The following XRRA1 variants were observed in gnomAD, a reference collection of about 807,000 sequenced individuals.
The protein encoded by XRRA1 is X-ray radiation resistance-associated protein 1.
A neutral mutation model predicts 80.2 loss-of-function variants in XRRA1; 69 were observed. The observed-to-expected ratio is 0.86, with a 90% CI of 0.71 to 1.05. The LOEUF (loss-of-function observed/expected upper bound fraction) is 1.05. Among genes scored for constraint, XRRA1 ranks in the 50% least tolerant of loss-of-function variants. The pLI is 0.00. For missense variants in XRRA1, 967 were observed against 976.4 expected (o/e 0.99, Z 0.13); for synonymous variants, 348 against 389.9 (o/e 0.89, Z 1.27).
intron 2 of XRRA1, among the ~76,000 whole-genome samples, chr11:74,943,515 G>C (rs112859586): frequency 2.1e-3 from 306 of 142,652 alleles, no homozygotes; most frequent in Non-Finnish European, 3.4e-3. Context: ...GAGGGGAAGA[G>C]AGTAGGAGGG....
chr11:74,900,721 T>C (rs2053432297), intron 10 of XRRA1, among the ~76,000 whole-genome samples: 1 of 152,240 alleles, frequency 6.6e-6, no homozygotes, highest in Non-Finnish European at 1.5e-5. Flanking sequence ...ATCATTTCAA[T>C]TGATGCTGAA....
intron 8 of XRRA1, among the ~76,000 whole-genome samples, chr11:74,914,039 G>T (rs1937641109): frequency 6.6e-6 from 1 of 152,206 alleles, no homozygotes; most frequent in Admixed American, 6.5e-5. Flanking sequence ...GGGTTGGAGT[G>T]CAGTGGTGTG....
At chr11:74,868,936 C>G (rs55761933) in intron 10 of XRRA1, among the ~76,000 whole-genome samples, 3,592 of 152,080 alleles carry the variant, frequency 0.024, 121 homozygotes, top group African/African-American at 0.083. Flanking sequence ...AATATTAGAT[C>G]ATTGAGGCAG....
intron 8 of XRRA1, among the ~76,000 whole-genome samples, chr11:74,919,325 A>G (rs904672567): frequency 6.6e-5 from 10 of 152,336 alleles, no homozygotes; most frequent in African/African-American, 2.4e-4. Context: ...CCATGACTTG[A>G]TAATTGTCAG....
intron 10 of XRRA1, among the ~76,000 whole-genome samples, chr11:74,868,311 A>T (rs1017697182): frequency 2.0e-5 from 3 of 152,232 alleles, no homozygotes; most frequent in African/African-American, 7.2e-5. Flanking sequence ...TCCTTTTCAG[A>T]CATGCAAATG....
chr11:74,893,804 A>AAATT (rs2051473744), intron 10 of XRRA1, among the ~76,000 whole-genome samples: 1 of 152,240 alleles, frequency 6.6e-6, no homozygotes, highest in Admixed American at 6.5e-5. Context: ...GTGGAAATAT[A>AAATT]AATTAGTTCA....
intron 10 of XRRA1, among the ~76,000 whole-genome samples, chr11:74,873,831 C>T (rs1042082884): frequency 1.3e-5 from 2 of 152,116 alleles, no homozygotes; most frequent in Non-Finnish European, 2.9e-5. Flanking sequence ...AGCCAATTTC[C>T]TCCTTCCCCC....
chr11:74,924,546 G>A (rs1236982979), intron 7 of XRRA1, among the ~76,000 whole-genome samples: 1 of 149,408 alleles, frequency 6.7e-6, no homozygotes, highest in Admixed American at 6.7e-5. Flanking sequence ...GTGTCATGAA[G>A]TTTTAGGCTG....
intron 16 of XRRA1, 35 bp downstream of exon 16, chr11:74,845,038 C>A: frequency 6.2e-7 from 1 of 1,604,196 alleles, no homozygotes. Flanking sequence ...TGGAGATGGC[C>A]TCTTGCCCTA....
intron 10 of XRRA1, among the ~76,000 whole-genome samples, chr11:74,867,232 A>T (rs1024556130): frequency 6.6e-6 from 1 of 152,234 alleles, no homozygotes; most frequent in East Asian, 1.9e-4. Context: ...GTTCTTAAAC[A>T]GGTTGAAATG....
chr11:74,946,261 T>C (rs920915466), intron 1 of XRRA1, among the ~76,000 whole-genome samples: 3 of 152,178 alleles, frequency 2.0e-5, no homozygotes, highest in East Asian at 1.9e-4. Context: ...CACTTCTTAA[T>C]GGAGGCACTA....
intron 8 of XRRA1, among the ~76,000 whole-genome samples, chr11:74,915,249 T>C (rs1282988882): frequency 6.6e-6 from 1 of 152,154 alleles, no homozygotes; most frequent in Non-Finnish European, 1.5e-5. Flanking sequence ...AGTCAAAGCT[T>C]GGAAAAAATA....
intron 12 of XRRA1, among the ~76,000 whole-genome samples, chr11:74,852,629 G>A (rs2040158450): frequency 6.6e-6 from 1 of 152,184 alleles, no homozygotes; most frequent in South Asian, 2.1e-4. Context: ...GATAAGTAGA[G>A]CCAGTGTTAA....
chr11:74,887,901 G>A (rs965883633), intron 10 of XRRA1, among the ~76,000 whole-genome samples: 6 of 152,188 alleles, frequency 3.9e-5, no homozygotes, highest in African/African-American at 1.4e-4. Flanking sequence ...GCCGAGGCTT[G>A]AGTAGGTAAA....
rs1338698897 is a variant in XRRA1, at chr11:74,859,240, G to T, written c.1088C>A (p.Pro363His). The change falls in exon 12 of 19, where the codon CCT becomes CAT. Residue 363 changes from proline (P) to histidine (H), a missense_variant. By Grantham distance (77) the Pro-to-His change is moderately conservative. Transcript: ENST00000684022. ...CSLPPIFEIL[P>H]VKSLKARNQT... The stretch of plus-strand genomic sequence containing the variant: ...GTTCCTGGCCTTCAGTGACTTCACA[G>T]GAAGGATCTCGAATATGGGAGGAAG... 6.2e-7 allele frequency: 1 copy of T among 1,610,500 alleles called. No individual in the cohort carries two copies. Among genetic ancestry groups the T allele is most frequent in the South Asian group, 1.1e-5 (1 of 90,224 alleles).
chr11:74,910,866 T>C (rs1747845424), intron 8 of XRRA1: 1 of 152,200 alleles, frequency 6.6e-6, no homozygotes, highest in Admixed American at 6.5e-5. Context: ...ATGTGTGGAA[T>C]GAGGGAGGCC....
intron 10 of XRRA1, among the ~76,000 whole-genome samples, chr11:74,885,923 A>G (rs1398652555): frequency 1.3e-5 from 2 of 152,264 alleles, no homozygotes; most frequent in African/African-American, 2.4e-5. Flanking sequence ...GCAAATCAAT[A>G]AATGTGATTT....
At chr11:74,909,066 C>G (rs1327136413) in intron 8 of XRRA1, among the ~76,000 whole-genome samples, 2 of 152,162 alleles carry the variant, frequency 1.3e-5, no homozygotes, top group Admixed American at 6.6e-5. Flanking sequence ...AATGTTCTTA[C>G]AATCAATTCC....
At chr11:74,849,922 A>T (rs541503958) in intron 14 of XRRA1, among the ~76,000 whole-genome samples, 1 of 152,116 alleles carries the variant, frequency 6.6e-6, no homozygotes, top group Non-Finnish European at 1.5e-5. Flanking sequence ...CAGGGGTCTA[A>T]TCTGCATTTC....
Sources: allele counts gnomAD v4.1 joint callset (sites outside exome capture counted in the v4.1 genomes callset), GRCh38; gene constraint gnomAD v4.1.1; transcripts MANE v1.5; gene names NCBI Gene and HGNC (gene_info 2026-07-23, HGNC 2026-07-21).